The following SARDH variants were observed in gnomAD, a reference collection of about 807,000 sequenced individuals.
SARDH encodes the protein sarcosine dehydrogenase, mitochondrial.
In SARDH, 95 loss-of-function variants were observed where a neutral mutation model predicts 109.1. That is an observed-to-expected ratio of 0.87 (90% CI 0.74 to 1.03). The LOEUF is 1.03. Ranked by LOEUF, SARDH falls within the 50% of genes least tolerant of loss-of-function variation. The pLI is 0.00. For missense variants in SARDH, 1,267 were observed against 1,287.8 expected, an observed-to-expected ratio of 0.98 and a Z score of 0.25; for synonymous variants, 572 against 534.8, an observed-to-expected ratio of 1.07 and a Z score of -0.96.
intron 10 of SARDH, 107 bp from the exon 11 acceptor site, chr9:133,708,535 C>A: frequency 7.2e-7 from 1 of 1,387,968 alleles, no homozygotes; most frequent in Non-Finnish European, 9.6e-7. Flanking sequence ...CACCAGAGTC[C>A]CCTTTGTGGC....
At chr9:133,659,667 T>C (rs1434709880), downstream of SARDH, among the ~76,000 whole-genome samples, 2 of 152,092 alleles carry the variant, frequency 1.3e-5, no homozygotes, top group African/African-American at 4.8e-5. Flanking sequence ...TGCAAGGCAC[T>C]TCACTTCATC....
intron 6 of SARDH, 50 bp downstream of exon 6, chr9:133,729,715 G>A: frequency 1.3e-6 from 2 of 1,525,996 alleles, no homozygotes; most frequent in South Asian, 1.2e-5. Flanking sequence ...TCAGAGCCAG[G>A]TCTCTGTGCC....
Position 133,731,355 on chromosome 9 carries a change from C to A in SARDH, c.640G>T (p.Ala214Ser), listed in dbSNP as rs1357812575. 1.2e-6 allele frequency: 2 copies of A among 1,614,192 alleles called. No homozygotes were observed. The highest frequency in any genetic ancestry group is 1.1e-5 in the South Asian group (1 of 91,084). Residue 214 changes from alanine to serine, a missense_variant, in exon 4 of 21, where the codon GCT (alanine) becomes TCT (serine). Ala to Ser is a moderately conservative substitution (Grantham distance 99, BLOSUM62 1). Transcript: ENST00000439388. Reference protein sequence around the residue: ...YVPHDGTMDPAGTCTTLARAA... With the variant: ...YVPHDGTMDPSGTCTTLARAA... The stretch of plus-strand genomic sequence containing the variant: ...CTGGCGAGGGTGGTACAGGTGCCAG[C>A]GGGGTCCATGGTACCGTCGTGCGGC...
rs1200925065 is a variant in SARDH, at chr9:133,709,372, G to A, written c.1329-944C>T. On this transcript the variant is annotated intron_variant, in intron 10 of 20. Coordinates refer to ENST00000439388, the MANE Select transcript of SARDH (RefSeq NM_001134707.2). The surrounding 1 kb of genome is among the most constrained non-coding windows in gnomAD (Gnocchi z 4.2). ...ATCCGACAGTGCGGAACTGCTGGCT[G>A]GAGTGAGACCCGGGCCCAGCTGCAT... 6.6e-6 allele frequency among the ~76,000 whole-genome samples: 1 copy of A among 152,100 alleles called. No individual in the cohort carries two copies. Among genetic ancestry groups the A allele is most frequent in the African/African-American group, 2.4e-5 (1 of 41,416 alleles).
chr9:133,736,040 CA>C (rs60023194), intron 1 of SARDH, among the ~76,000 whole-genome samples: 31,766 of 116,638 alleles, frequency 0.27, 4,103 homozygotes, highest in African/African-American at 0.42. Flanking sequence ...AACTCCGTCT[CA>C]AAAAAAAAAA....
At chr9:133,729,893 TCTG>T in intron 5 of SARDH, 28 bp from the exon 6 acceptor site, 1 of 1,608,976 alleles carries the variant, frequency 6.2e-7, no homozygotes, top group Non-Finnish European at 8.5e-7. Flanking sequence ...ACAGCTCAGC[TCTG>T]CTGACACCTG....
intron 6 of SARDH, among the ~76,000 whole-genome samples, chr9:133,720,562 C>T (rs1832288443): frequency 1.3e-5 from 2 of 152,214 alleles, no homozygotes; most frequent in African/African-American, 2.4e-5. Context: ...TTAATGGACT[C>T]ACAGTTCCAC....
intron 8 of SARDH, among the ~76,000 whole-genome samples, chr9:133,716,178 AC>A (rs1470813652): frequency 6.6e-6 from 1 of 152,110 alleles, no homozygotes; most frequent in Non-Finnish European, 1.5e-5. Flanking sequence ...GGCTGTGGCC[AC>A]CCAGTCACCC....
rs974263746 is a variant in SARDH, at chr9:133,671,009, A to G, written c.2327-257T>C. On this transcript the variant is annotated intron_variant, in intron 18 of 20. Coordinates refer to ENST00000439388, the MANE Select transcript of SARDH (RefSeq NM_001134707.2). ...TGGGGGCGTCAGGGAGGGGCTTGTGAAGGGGGAGCTTCCCAATGCCCAAGC... is the reference window on the plus strand; with the variant it reads ...TGGGGGCGTCAGGGAGGGGCTTGTGGAGGGGGAGCTTCCCAATGCCCAAGC... Among the ~76,000 whole-genome samples, 14 of 152,182 alleles carry G rather than the reference A, an allele frequency of 9.2e-5. 1 individual carries two copies. The South Asian group carries it at 2.3e-3, about 25-fold the overall frequency.
rs375116663 is a variant in SARDH, at chr9:133,718,973, C to T, written c.985G>A (p.Gly329Ser). The change falls in exon 7 of 21, where the codon GGT becomes AGT. Residue 329 changes from glycine (G) to serine (S), a missense_variant. Transcript: ENST00000439388. The surrounding 1 kb of genome is among the most constrained non-coding windows in gnomAD (Gnocchi z 4.2). ...LRLQGDALSV[G>S]GYEANPIFWE... is the part of the protein sequence containing the mutation. ...AAGATGGGGTTGGCCTCATAGCCAC[C>T]CACAGACAAGGCATCCCCTTGGAGG... 9.3e-6 allele frequency: 15 copies of T among 1,614,070 alleles called. No homozygotes were observed. In the African/African-American group the frequency reaches 1.6e-4, roughly 17 times the overall value.
chr9:133,700,934 A>G (rs1831462215), intron 13 of SARDH, among the ~76,000 whole-genome samples: 1 of 152,194 alleles, frequency 6.6e-6, no homozygotes, highest in African/African-American at 2.4e-5. Context: ...TAATCATGAC[A>G]GCAACAACCA....
At chr9:133,661,039 C>CA (rs1564217901), downstream of SARDH, among the ~76,000 whole-genome samples, 4 of 151,988 alleles carry the variant, frequency 2.6e-5, no homozygotes, top group African/African-American at 7.2e-5. Context: ...CCTGTCTCTA[C>CA]AAAAAATACA....
intron 17 of SARDH, among the ~76,000 whole-genome samples, chr9:133,675,372 G>A (rs1830481356): frequency 6.6e-6 from 1 of 151,814 alleles, no homozygotes. Flanking sequence ...AATAGGCAAG[G>A]GACTTGAATC....
In SARDH at chr9:133,692,206, G is replaced by A. The variant is rs1831124392; in HGVS notation, c.1922-1679C>T. On this transcript the variant is annotated intron_variant, in intron 15 of 20. Transcript: ENST00000439388. This position sits in a 1 kb window ranked among gnomAD's most constrained non-coding sequence, Gnocchi z 5.0. ...TCCTCACTCCATTCCACCAATGGGGGAAACTGAGGCTCGGGGGGGCAGGTC... is the reference window on the plus strand; with the variant it reads ...TCCTCACTCCATTCCACCAATGGGGAAAACTGAGGCTCGGGGGGGCAGGTC... 6.6e-6 allele frequency among the ~76,000 whole-genome samples: 1 copy of A among 152,172 alleles called. No homozygotes were observed. The highest frequency in any genetic ancestry group is 6.5e-5 in the Admixed American group (1 of 15,282).
chr9:133,685,291 A>T lies in SARDH; in HGVS notation c.2070-5T>A, dbSNP rs777559327. On this transcript the variant is annotated splice_region_variant and splice_polypyrimidine_tract_variant and intron_variant, in intron 16 of 20. Coordinates refer to ENST00000439388, the MANE Select transcript of SARDH (RefSeq NM_001134707.2). ...ACCTCCTGCAAAATGGCTCGGCTGC[A>T]GGCAAGAGCAAAGTCGCTCAGTCAG... 6.2e-7 allele frequency: 1 copy of T among 1,612,740 alleles called. No individual in the cohort carries two copies. Among genetic ancestry groups the T allele is most frequent in the South Asian group, 1.1e-5 (1 of 90,768 alleles).
chr9:133,670,591 T>C lies in SARDH; in HGVS notation c.2488A>G (p.Met830Val), dbSNP rs765437318. ...GAACAGCGGGATACTCACTCCTCCA[T>C]GGTGAAGCACACCAGGCGCCGGCGG... ...GLRRRLVCFT[M>V]EDKVPMFGLE... Residue 830 changes from methionine (M) to valine (V), a missense_variant, in exon 19 of 21, where the codon ATG becomes GTG. Transcript: ENST00000439388. 40 of 1,573,454 alleles carry C rather than the reference T, an allele frequency of 2.5e-5. No homozygotes were observed. Among genetic ancestry groups the C allele is most frequent in the Admixed American group, 3.7e-5 (2 of 54,224 alleles).
Position 133,666,961 on chromosome 9 carries a change from G to C in SARDH, c.2496-91C>G. ...CCTGGAGGAGAATGGGGGGCTGCAT[G>C]ATGCACACCCAACCGTGGCTCCAGG... On this transcript the variant is annotated intron_variant, in intron 19 of 20. Transcript: ENST00000439388. The surrounding 1 kb of genome is among the most constrained non-coding windows in gnomAD (Gnocchi z 5.2). 6.5e-7 allele frequency: 1 copy of C among 1,530,652 alleles called. No homozygotes were observed. Among genetic ancestry groups the C allele is most frequent in the Non-Finnish European group, 8.9e-7 (1 of 1,123,610 alleles). 94.8% of individuals were successfully genotyped at this position (1,530,652 alleles called of 1,614,324 possible).
rs549585533 is a variant in SARDH, at chr9:133,696,468, T to C, written c.1669-107A>G. 159 of 1,389,992 alleles carry C rather than the reference T, an allele frequency of 1.1e-4. No individual in the cohort carries two copies. The African/African-American group carries it at 1.8e-3, about 16-fold the overall frequency. 86.1% of individuals were successfully genotyped at this position (1,389,992 alleles called of 1,614,324 possible). ...GTGTCCAACACACCTGTACTGAGCC[T>C]CCCCTCCCTCTCTTCCAGCCCGCAC... On this transcript the variant is annotated intron_variant, in intron 13 of 20. Transcript: ENST00000439388.
At chr9:133,671,394 G>T in intron 18 of SARDH, 141 bp downstream of exon 18, 1 of 1,134,098 alleles carries the variant, frequency 8.8e-7, no homozygotes, top group Non-Finnish European at 1.2e-6. Context: ...GGGTGTAGGG[G>T]AGGAAATCAT....
Sources: allele counts gnomAD v4.1 joint callset (sites outside exome capture counted in the v4.1 genomes callset), GRCh38; gene constraint gnomAD v4.1.1; non-coding constraint Gnocchi (gnomAD v3.1); transcripts MANE v1.5; gene names NCBI Gene and HGNC (gene_info 2026-07-23, HGNC 2026-07-21).